The following OTOF variants were observed in gnomAD, a reference collection of about 807,000 sequenced individuals.
OTOF encodes the protein otoferlin.
A neutral mutation model predicts 236.8 loss-of-function variants in OTOF; 218 were observed. The observed-to-expected ratio is 0.92, with a 90% confidence interval of 0.82 to 1.03. The LOEUF is 1.03. Ranked by LOEUF, OTOF falls within the 50% of genes least tolerant of loss-of-function variation. The pLI is 0.00. For missense variants in OTOF, 2,590 were observed against 2,694.4 expected, an observed-to-expected ratio of 0.96 and a Z score of 0.86; for synonymous variants, 1,041 against 1,072.5, an observed-to-expected ratio of 0.97 and a Z score of 0.57.
At position 26,476,887 on chromosome 2, in the gene OTOF, G is replaced by A; in HGVS notation, c.2676+4C>T. On this transcript the variant is annotated splice_donor_region_variant and intron_variant, in intron 22 of 46. Coordinates refer to ENST00000272371, the MANE Select transcript of OTOF (RefSeq NM_194248.3). ...GCCCCCATCCATCCTGCCCCCTCCA[G>A]CACCTTAAGGAAGAGCGTCTTGACC... The A allele has an allele frequency of 6.2e-7, 1 of 1,607,826 alleles. No individual in the cohort carries two copies.
intron 11 of OTOF, 61 bp from the exon 12 acceptor site, chr2:26,484,694 T>G: frequency 6.3e-7 from 1 of 1,586,550 alleles, no homozygotes; most frequent in Non-Finnish European, 8.6e-7. Context: ...CTCCCAGTGC[T>G]CAGGGCAGGC....
At position 26,461,655 on chromosome 2, in the gene OTOF, A is replaced by G; in HGVS notation, c.5533+41T>C. The stretch of plus-strand genomic sequence containing the variant: ...GCCAACCCGGCCCCTGCCTCTTCTC[A>G]GTTCTGGATCCTGAACCCCCATCCC... On this transcript the variant is annotated intron_variant, in intron 43 of 46. Coordinates refer to ENST00000272371, the MANE Select transcript of OTOF (RefSeq NM_194248.3). The surrounding 1 kb of genome is among the most constrained non-coding windows in gnomAD (Gnocchi z 6.2). 1 of 1,611,456 alleles carries G rather than the reference A, an allele frequency of 6.2e-7. No homozygotes were observed. The highest frequency in any genetic ancestry group is 8.5e-7 in the Non-Finnish European group (1 of 1,179,874).
chr2:26,483,575 C>G lies in OTOF; in HGVS notation c.1279G>C (p.Glu427Gln). ...CTTGTGTTCATACGGGGCAGCCCCT[C>G]TGCTCGGTAAATTTTCACATAGAAC... is the stretch of plus-strand genomic sequence containing the variant. ...ARFYVKIYRA[E>Q]GLPRMNTSLM... Residue 427 changes from glutamate (E) to glutamine (Q), a missense_variant, in exon 13 of 47, where the codon GAG becomes CAG. By Grantham distance (29) the Glu-to-Gln change is conservative (BLOSUM62 2). Around this residue, in one of 2 missense-constraint regions of OTOF, gnomAD observed 1,379 missense variants for 1,341.6 expected, o/e 1.03. Transcript: ENST00000272371. 6.2e-7 allele frequency: 1 copy of G among 1,613,924 alleles called. No homozygotes were observed. The highest frequency in any genetic ancestry group is 8.5e-7 in the Non-Finnish European group (1 of 1,180,034).
At chr2:26,472,818 G>C (rs373914692) in intron 29 of OTOF, among the ~76,000 whole-genome samples, 169 bp from the exon 30 acceptor site, 148 of 151,952 alleles carry the variant, frequency 9.7e-4, no homozygotes, top group African/African-American at 3.3e-3. Flanking sequence ...GAAGAAGAGA[G>C]CCCGAGATAA....
At chr2:26,509,748 A>G (rs1476236469) in intron 5 of OTOF, among the ~76,000 whole-genome samples, 2 of 152,058 alleles carry the variant, frequency 1.3e-5, no homozygotes, top group Non-Finnish European at 2.9e-5. Flanking sequence ...AAAAGACCAC[A>G]CTCCTGGCTT....
Position 26,460,033 on chromosome 2 carries a change from C to T in OTOF, c.5986G>A (p.Gly1996Arg), listed in dbSNP as rs143608910. ...CCAGGAGGCCACTGGGCTCAGGCCC[C>T]GAGGATTTTCTTGACCAGGTAGCCA... ...VPGYLVKKIL[G>R]A Residue 1996 changes from glycine to arginine, a missense_variant, in exon 46 of 47, where the codon GGG becomes AGG. Around this residue, in one of 2 missense-constraint regions of OTOF, gnomAD observed 1,211 missense variants for 1,352.8 expected, o/e 0.90. Coordinates refer to ENST00000272371, the MANE Select transcript of OTOF (RefSeq NM_194248.3). This position sits in a 1 kb window ranked among gnomAD's most constrained non-coding sequence, Gnocchi z 5.3. The T allele has an allele frequency of 2.4e-5, 38 of 1,568,616 alleles. No individual in the cohort carries two copies. The African/African-American group carries it at 3.2e-4, about 13-fold the overall frequency.
chr2:26,461,748 C>T lies in OTOF; in HGVS notation c.5481G>A (p.Arg1827=). Residue 1827 remains arginine, a synonymous_variant, in exon 43 of 47, where the codon CGG becomes CGA. Coordinates refer to ENST00000272371, the MANE Select transcript of OTOF (RefSeq NM_194248.3). The surrounding 1 kb of genome is among the most constrained non-coding windows in gnomAD (Gnocchi z 6.2). ...CCGCATCCCAGATCTGCAGGGTGAG[C>T]CGCGCGGGGATCTTGTACTCGGTCT... The part of the protein sequence containing the change: ...WDETEYKIPA[R]LTLQIWDADH... The T allele has an allele frequency of 6.2e-7, 1 of 1,614,134 alleles. No homozygotes were observed.
At chr2:26,538,132 C>G (rs887193446) in intron 1 of OTOF, among the ~76,000 whole-genome samples, 3 of 152,218 alleles carry the variant, frequency 2.0e-5, no homozygotes, top group Admixed American at 2.0e-4. Context: ...GCAGCCTCCT[C>G]AGCTCTGCTG....
chr2:26,465,195 T>G (rs974654350), intron 38 of OTOF, among the ~76,000 whole-genome samples, 166 bp from the exon 39 acceptor site: 1 of 152,018 alleles, frequency 6.6e-6, no homozygotes, highest in Non-Finnish European at 1.5e-5. Context: ...CTAGGGCTGC[T>G]GGAGGCTGAA....
At chr2:26,496,681 G>A (rs1458675329) in intron 8 of OTOF, among the ~76,000 whole-genome samples, 1 of 152,104 alleles carries the variant, frequency 6.6e-6, no homozygotes, top group African/African-American at 2.4e-5. Context: ...ATTTGGATTT[G>A]GAGGTGTCAG....
At chr2:26,537,799 C>A (rs1667110584) in intron 1 of OTOF, 25 bp from the exon 2 acceptor site, 2 of 1,530,562 alleles carry the variant, frequency 1.3e-6, no homozygotes, top group Non-Finnish European at 1.8e-6. Flanking sequence ...GAAATAAATT[C>A]TAGGGTCAGA....
chr2:26,517,794 C>T (rs55792691), intron 4 of OTOF, among the ~76,000 whole-genome samples: 18 of 152,274 alleles, frequency 1.2e-4, no homozygotes, highest in African/African-American at 2.2e-4. Flanking sequence ...CTAGGAGATC[C>T]GTGAGTCCTT....
At chr2:26,480,114 C>T (rs542654945) in intron 16 of OTOF, 89 bp downstream of exon 16, 3 of 809,460 alleles carry the variant, frequency 3.7e-6, no homozygotes, top group East Asian at 4.8e-5. Flanking sequence ...GGTGCAGAGC[C>T]TCACACTTAC....
At chr2:26,471,197 T>C in intron 30 of OTOF, 47 bp from the exon 31 acceptor site, 2 of 1,605,680 alleles carry the variant, frequency 1.2e-6, no homozygotes, top group Non-Finnish European at 8.5e-7. Flanking sequence ...CACTGGGGCC[T>C]GGAGTGGCAG....
At chr2:26,466,529 G>A (rs1487061344) in intron 36 of OTOF, among the ~76,000 whole-genome samples, 185 bp downstream of exon 36, 1 of 152,284 alleles carries the variant, frequency 6.6e-6, no homozygotes, top group South Asian at 2.1e-4. Flanking sequence ...TAGAGACGGG[G>A]TTTAACCATG....
At chr2:26,521,961 G>C (rs1039996811) in intron 3 of OTOF, among the ~76,000 whole-genome samples, 2 of 152,214 alleles carry the variant, frequency 1.3e-5, no homozygotes, top group Admixed American at 1.3e-4. Flanking sequence ...ATAATGAGCA[G>C]GGCTGGCCAT....
rs145899319 is a variant in OTOF, at chr2:26,458,133, G to A, written c.*105C>T. On this transcript the variant is annotated 3_prime_UTR_variant, in exon 47 of 47. Coordinates refer to ENST00000272371, the MANE Select transcript of OTOF (RefSeq NM_194248.3). ...GCCCCAACAGCGCCAGCACGATCTT[G>A]ATGATGAGCCACTTGTACCGGGTGC... is the stretch of plus-strand genomic sequence containing the variant. 1.7e-4 allele frequency: 277 copies of A among 1,614,042 alleles called. No individual in the cohort carries two copies. The highest frequency in any genetic ancestry group is 2.3e-4 in the Non-Finnish European group (270 of 1,180,002).
chr2:26,495,189 C>G, intron 8 of OTOF, 116 bp from the exon 9 acceptor site: 1 of 993,668 alleles, frequency 1.0e-6, no homozygotes, highest in Non-Finnish European at 1.5e-6. Flanking sequence ...GGAGCCAGCA[C>G]TGGCCTCCTG....
In OTOF at chr2:26,460,198, C is replaced by T. The variant is rs545842714; in HGVS notation, c.5821G>A (p.Asp1941Asn). 1.3e-5 allele frequency: 21 copies of T among 1,602,548 alleles called. No homozygotes were observed. Among genetic ancestry groups the T allele is most frequent in the African/African-American group, 6.7e-5 (5 of 74,800 alleles). Residue 1941 changes from aspartate to asparagine, a missense_variant, in exon 46 of 47, where the codon GAC (aspartate) becomes AAC (asparagine). By Grantham distance (23) the Asp-to-Asn change is conservative (BLOSUM62 1). Coordinates refer to ENST00000272371, the MANE Select transcript of OTOF (RefSeq NM_194248.3). The surrounding 1 kb of genome is among the most constrained non-coding windows in gnomAD (Gnocchi z 5.3). ...TTCAGGAACCAGATGAAGCTCGTGT[C>T]GGGCCGGCTGGAGTATGAAGGGTAG... ...PDPLEKPNRP[D>N]TSFIWFLNPL...
Sources: allele counts gnomAD v4.1 joint callset (sites outside exome capture counted in the v4.1 genomes callset), GRCh38; gene constraint gnomAD v4.1.1; regional missense constraint gnomAD v4.1.1; non-coding constraint Gnocchi (gnomAD v3.1); transcripts MANE v1.5; gene names NCBI Gene and HGNC (gene_info 2026-07-23, HGNC 2026-07-21).